ADGRL3: variants seen among roughly 807,000 people sequenced by gnomAD.
ADGRL3 encodes calcium-independent alpha-latrotoxin receptor 3.
ADGRL3 carries 62 observed loss-of-function variants against 153.5 expected under a neutral mutation model. The observed-to-expected ratio is 0.40, with a 90% CI of 0.33 to 0.50. The LOEUF is 0.50. ADGRL3 is among the 20% of genes least tolerant of loss of function. The pLI, the probability that ADGRL3 is intolerant of heterozygous loss-of-function variation, is 0.47. For synonymous variants in ADGRL3, 710 were observed against 672.5 expected (o/e 1.06, Z -0.86); for missense variants, 1,641 against 1,859.4 (o/e 0.88, Z 2.16).
chr4:61,585,044 C>T (rs1480962680), intron 4 of ADGRL3, among the ~76,000 whole-genome samples: 2 of 151,898 alleles, frequency 1.3e-5, no homozygotes, highest in Non-Finnish European at 2.9e-5. Context: ...GACACAAGAA[C>T]AAACTTTAAA....
At chr4:61,474,125 T>A (rs1375376292) in intron 2 of ADGRL3, among the ~76,000 whole-genome samples, 2 of 152,162 alleles carry the variant, frequency 1.3e-5, no homozygotes, top group Non-Finnish European at 2.9e-5. Context: ...ACTTTTGCAA[T>A]ACAGCCAGCA....
At chr4:62,040,725 A>C (rs1727807175) in intron 24 of ADGRL3, among the ~76,000 whole-genome samples, 1 of 152,084 alleles carries the variant, frequency 6.6e-6, no homozygotes, top group Non-Finnish European at 1.5e-5. Flanking sequence ...GAGACAGAAA[A>C]CGTATTAATA....
intron 17 of ADGRL3, among the ~76,000 whole-genome samples, chr4:61,972,865 G>A (rs2099034083): frequency 6.6e-6 from 1 of 151,910 alleles, no homozygotes; most frequent in Admixed American, 6.6e-5. Context: ...ACTAAATCCA[G>A]CTCAACATTA....
chr4:61,443,900 C>T (rs1483722008), intron 2 of ADGRL3, among the ~76,000 whole-genome samples: 1 of 152,098 alleles, frequency 6.6e-6, no homozygotes, highest in Non-Finnish European at 1.5e-5. Flanking sequence ...TAGGTGGTTT[C>T]ATTTTCAGTC....
chr4:61,679,193 C>T (rs2095280432), intron 6 of ADGRL3, among the ~76,000 whole-genome samples: 1 of 151,908 alleles, frequency 6.6e-6, no homozygotes, highest in African/African-American at 2.4e-5. Flanking sequence ...CCTCATATGG[C>T]AATAAAGGGA....
chr4:62,055,486 T>C (rs1004708223), intron 25 of ADGRL3, among the ~76,000 whole-genome samples: 3 of 151,856 alleles, frequency 2.0e-5, no homozygotes, highest in African/African-American at 7.2e-5. Flanking sequence ...TAAATCAAGA[T>C]GTCAGCTCTT....
At chr4:61,484,183 C>T (rs1277695311) in intron 2 of ADGRL3, among the ~76,000 whole-genome samples, 1 of 151,994 alleles carries the variant, frequency 6.6e-6, no homozygotes, top group African/African-American at 2.4e-5. Context: ...CCTAATGCTG[C>T]TCCAGTTCAA....
intron 1 of ADGRL3, among the ~76,000 whole-genome samples, chr4:61,349,675 A>C (rs772938692): frequency 6.6e-6 from 1 of 152,148 alleles, no homozygotes; most frequent in Admixed American, 6.5e-5. Flanking sequence ...AGTGAAGATT[A>C]AATGAAATAA....
At chr4:61,727,246 T>G (rs1452948703) in intron 6 of ADGRL3, among the ~76,000 whole-genome samples, 1 of 152,196 alleles carries the variant, frequency 6.6e-6, no homozygotes. Flanking sequence ...AGAATAAAAT[T>G]CTCCTTAGTT....
intron 1 of ADGRL3, among the ~76,000 whole-genome samples, chr4:61,245,505 T>C (rs1036956619): frequency 6.6e-6 from 1 of 152,070 alleles, no homozygotes; most frequent in Non-Finnish European, 1.5e-5. Flanking sequence ...CTTTCTTTCG[T>C]GTACAACACA....
chr4:61,902,598 C>A (rs1462271940), intron 11 of ADGRL3, among the ~76,000 whole-genome samples: 1 of 152,076 alleles, frequency 6.6e-6, no homozygotes, highest in Admixed American at 6.5e-5. Flanking sequence ...CCTTGCTCAC[C>A]TCTCCAGCTG....
At chr4:61,427,031 C>T (rs566784547) in intron 2 of ADGRL3, 2 of 152,292 alleles carry the variant, frequency 1.3e-5, no homozygotes, top group East Asian at 3.9e-4. Context: ...CCCTCTGCTT[C>T]TCTGAGGGCC....
At chr4:61,664,395 TA>T (rs1367303777) in intron 5 of ADGRL3, among the ~76,000 whole-genome samples, 1 of 152,036 alleles carries the variant, frequency 6.6e-6, no homozygotes, top group Non-Finnish European at 1.5e-5. Flanking sequence ...TTTGTTTTAA[TA>T]AAAAAAGGAG....
chr4:61,572,362 G>T (rs2098842421), intron 4 of ADGRL3, among the ~76,000 whole-genome samples: 1 of 152,028 alleles, frequency 6.6e-6, no homozygotes, highest in African/African-American at 2.4e-5. Flanking sequence ...GAGTCATTTT[G>T]TGGTTTAGTG....
intron 13 of ADGRL3, among the ~76,000 whole-genome samples, chr4:61,930,428 C>T (rs2098813096): frequency 6.6e-6 from 1 of 152,270 alleles, no homozygotes; most frequent in African/African-American, 2.4e-5. Flanking sequence ...TTCACAAATA[C>T]ATCCTCTTGG....
chr4:61,587,043 T>C (rs1321110847), intron 4 of ADGRL3, among the ~76,000 whole-genome samples, 184 bp from the exon 5 acceptor site: 1 of 152,096 alleles, frequency 6.6e-6, no homozygotes, highest in Non-Finnish European at 1.5e-5. Flanking sequence ...TTCTGTTAGA[T>C]TAGAAGAAAA....
chr4:61,214,812 C>G (rs1278277529), intron 1 of ADGRL3, among the ~76,000 whole-genome samples: 1 of 152,116 alleles, frequency 6.6e-6, no homozygotes, highest in African/African-American at 2.4e-5. Context: ...AGGGTGCATG[C>G]CCATAGTTCC....
chr4:61,341,689 A>G (rs1349113951), intron 1 of ADGRL3, among the ~76,000 whole-genome samples: 3 of 151,980 alleles, frequency 2.0e-5, no homozygotes, highest in Non-Finnish European at 4.4e-5. Flanking sequence ...TATTTAATTC[A>G]TTCTTTTCAT....
intron 13 of ADGRL3, among the ~76,000 whole-genome samples, chr4:61,930,693 G>A (rs1283885599): frequency 6.6e-6 from 1 of 151,926 alleles, no homozygotes; most frequent in Non-Finnish European, 1.5e-5. Flanking sequence ...TATCTAGTAG[G>A]ATATGGTATG....
Sources: allele counts gnomAD v4.1 joint callset (sites outside exome capture counted in the v4.1 genomes callset), GRCh38; gene constraint gnomAD v4.1.1; transcripts MANE v1.5; gene names NCBI Gene and HGNC (gene_info 2026-07-23, HGNC 2026-07-21).